The following BRINP1 variants were observed in gnomAD, a reference collection of about 807,000 sequenced individuals.
BRINP1 encodes the protein BMP/retinoic acid-inducible neural-specific protein 1.
Under a neutral mutation model 72.9 loss-of-function variants are expected in BRINP1, and 17 were observed. The observed-to-expected ratio is 0.23, with a 90% CI of 0.16 to 0.35. The LOEUF is 0.35. Among genes scored for constraint, BRINP1 ranks in the 10% least tolerant of loss-of-function variants. The pLI is 1.00. For missense variants in BRINP1, 850 were observed against 1,001.6 expected (o/e 0.85, Z 2.04); for synonymous variants, 418 against 378.5 (o/e 1.10, Z -1.21).
intron 2 of BRINP1, among the ~76,000 whole-genome samples, chr9:119,263,598 A>ATTTTTTTTTT (rs1554752039): frequency 1.9e-5 from 1 of 51,724 alleles, no homozygotes; most frequent in African/African-American, 6.0e-5. Context: ...CCAGTAAACA[A>ATTTTTTTTTT]TTCTTTTTTT....
intron 2 of BRINP1, among the ~76,000 whole-genome samples, chr9:119,271,324 CAA>C (rs11455242): frequency 1.4e-5 from 2 of 142,704 alleles, no homozygotes; most frequent in Admixed American, 7.0e-5. Flanking sequence ...CCAGAAGGAC[CAA>C]AAAAAAAAAA....
intron 2 of BRINP1, among the ~76,000 whole-genome samples, chr9:119,298,934 A>G (rs1026144466): frequency 6.6e-6 from 1 of 152,044 alleles, no homozygotes; most frequent in Non-Finnish European, 1.5e-5. Flanking sequence ...AAAGGTAAGT[A>G]TTTATTTTAA....
At chr9:119,364,418 T>G (rs781214096) in intron 1 of BRINP1, among the ~76,000 whole-genome samples, 3 of 152,196 alleles carry the variant, frequency 2.0e-5, no homozygotes, top group Non-Finnish European at 4.4e-5. Flanking sequence ...AAAGGACTCG[T>G]CATTCCTGAA....
intron 7 of BRINP1, among the ~76,000 whole-genome samples, chr9:119,170,442 AAAG>A (rs1242192975): frequency 2.0e-5 from 3 of 150,698 alleles, no homozygotes; most frequent in African/African-American, 7.3e-5. Context: ...AAAAGAATAA[AAAG>A]AAATGAGCAA....
At chr9:119,351,018 T>C (rs557069682) in intron 1 of BRINP1, among the ~76,000 whole-genome samples, 1 of 152,146 alleles carries the variant, frequency 6.6e-6, no homozygotes, top group East Asian at 1.9e-4. Context: ...GTCATCTATG[T>C]TTTAAGCCCC....
intron 2 of BRINP1, among the ~76,000 whole-genome samples, chr9:119,257,915 T>C (rs1227141817): frequency 6.6e-6 from 1 of 151,914 alleles, no homozygotes; most frequent in African/African-American, 2.4e-5. Context: ...GCAAGGCAGC[T>C]GAGAAACAGC....
chr9:119,351,809 T>A (rs1490820726), intron 1 of BRINP1, among the ~76,000 whole-genome samples: 2 of 124,300 alleles, frequency 1.6e-5, no homozygotes, highest in East Asian at 4.6e-4. Flanking sequence ...TTTCTCTTTT[T>A]ATTTTTTTAT....
chr9:119,322,483 C>A (rs1831198669), intron 1 of BRINP1, among the ~76,000 whole-genome samples: 1 of 152,184 alleles, frequency 6.6e-6, no homozygotes, highest in South Asian at 2.1e-4. Flanking sequence ...GAGGCACACA[C>A]TCAGGAGGAG....
intron 5 of BRINP1, among the ~76,000 whole-genome samples, chr9:119,236,996 A>G (rs1366564492): frequency 6.6e-6 from 1 of 152,200 alleles, no homozygotes; most frequent in Non-Finnish European, 1.5e-5. Flanking sequence ...GCATGTTAGA[A>G]AACAGAAGAT....
At chr9:119,366,534 G>A (rs1427460603) in intron 1 of BRINP1, among the ~76,000 whole-genome samples, 1 of 150,222 alleles carries the variant, frequency 6.7e-6, no homozygotes, top group Non-Finnish European at 1.5e-5. Flanking sequence ...GTGTGTGTGT[G>A]TGTGTGTGTG....
rs576349154 is a variant in BRINP1, at chr9:119,168,376, G to C, written c.1146-152C>G. The C allele has an allele frequency of 1.4e-5, 8 of 579,718 alleles. No homozygotes were observed. In the South Asian group the frequency reaches 1.5e-4, roughly 11 times the overall value. 35.9% of individuals were successfully genotyped at this position (579,718 alleles called of 1,614,324 possible). A position where few individuals can be genotyped will look rare whatever the true frequency, so the allele number is the denominator to read the frequency against. ...TACAGGAAGGGCATCGAATATAAACGTAAGAACTACATTGTAGCTCCTCCT... is the reference window on the plus strand; with the variant it reads ...TACAGGAAGGGCATCGAATATAAACCTAAGAACTACATTGTAGCTCCTCCT... On this transcript the variant is annotated intron_variant, in intron 7 of 7. Transcript: ENST00000265922.
At chr9:119,214,967 G>T (rs773119439) in intron 5 of BRINP1, among the ~76,000 whole-genome samples, 2 of 152,184 alleles carry the variant, frequency 1.3e-5, no homozygotes, top group Non-Finnish European at 2.9e-5. Context: ...TGTGCAAAGG[G>T]CTTTATTATA....
Position 119,247,579 on chromosome 9 carries a change from C to T in BRINP1, c.409+1381G>A, listed in dbSNP as rs1250915018. On this transcript the variant is annotated intron_variant, in intron 3 of 7. Transcript: ENST00000265922. ...CTGAGGCAGGAGAATGGCGTGAACC[C>T]GGGAGGCGGAGCTTGCAGTGAGCCG... 7.7e-5 allele frequency among the ~76,000 whole-genome samples: 11 copies of T among 143,736 alleles called. No individual in the cohort carries two copies. In the Admixed American group the frequency reaches 8.2e-4, roughly 11 times the overall value. 94.3% of individuals were successfully genotyped at this position (143,736 alleles called of 152,430 possible). A position where few individuals can be genotyped will look rare whatever the true frequency, so the allele number is the denominator to read the frequency against.
chr9:119,330,802 G>C (rs1831292317), intron 1 of BRINP1, among the ~76,000 whole-genome samples: 1 of 151,974 alleles, frequency 6.6e-6, no homozygotes, highest in Non-Finnish European at 1.5e-5. Context: ...CTGAGGCGGG[G>C]GGATCACGAC....
intron 2 of BRINP1, among the ~76,000 whole-genome samples, chr9:119,257,782 G>A (rs75190845): frequency 0.037 from 5,568 of 152,216 alleles, 119 homozygotes; most frequent in Non-Finnish European, 0.051. Flanking sequence ...CTCCCCACAC[G>A]ATCCTCAGCC....
In BRINP1 at chr9:119,213,905, G is replaced by T; in HGVS notation, c.922+14C>A. ...AAGGCCACTCATGCAGTGGCACTGA[G>T]TGAGACTCTCTACCTGAATTCTCCA... On this transcript the variant is annotated intron_variant, in intron 6 of 7. Transcript: ENST00000265922. 6.2e-7 allele frequency: 1 copy of T among 1,609,168 alleles called. No homozygotes were observed. Among genetic ancestry groups the T allele is most frequent in the Non-Finnish European group, 8.5e-7 (1 of 1,175,454 alleles).
chr9:119,270,017 G>A (rs1232677633), intron 2 of BRINP1, among the ~76,000 whole-genome samples: 2 of 152,160 alleles, frequency 1.3e-5, no homozygotes, highest in Non-Finnish European at 1.5e-5. Flanking sequence ...AGAAGGGAAT[G>A]CAATGTTAAG....
intron 7 of BRINP1, among the ~76,000 whole-genome samples, chr9:119,203,823 T>C (rs1203074246): frequency 6.6e-6 from 1 of 152,198 alleles, no homozygotes; most frequent in Non-Finnish European, 1.5e-5. Context: ...CTATATCTGA[T>C]AGTCACCTCT....
At chr9:119,254,430 C>T (rs12380315) in intron 2 of BRINP1, among the ~76,000 whole-genome samples, 2,493 of 151,866 alleles carry the variant, frequency 0.016, 40 homozygotes, top group Non-Finnish European at 0.029. Flanking sequence ...ATAATGTTCC[C>T]GGAAAAAAAT....
Sources: gnomAD v4.1 joint callset for allele counts (sites outside exome capture counted in the v4.1 genomes callset) on GRCh38, gnomAD v4.1.1 for gene constraint, MANE v1.5 for transcripts, NCBI Gene and HGNC (gene_info 2026-07-23, HGNC 2026-07-21) for gene names.